The following APOOL variants were observed in gnomAD, a reference collection of about 807,000 sequenced individuals.
APOOL encodes the protein apolipoprotein O like.
A neutral mutation model predicts 23.1 loss-of-function variants in APOOL; 12 were observed. The observed-to-expected ratio is 0.52, with a 90% CI of 0.33 to 0.84. APOOL has a LOEUF of 0.84. APOOL is among the 40% of genes least tolerant of loss of function. APOOL has a pLI of 0.02. For missense variants in APOOL, 212 were observed against 199.6 expected, an observed-to-expected ratio of 1.06 and a Z score of -0.37; for synonymous variants, 77 against 69.9, an observed-to-expected ratio of 1.10 and a Z score of -0.51.
At chrX:85,079,854 C>T (rs924914913) in intron 8 of APOOL, among the ~76,000 whole-genome samples, 4 of 111,768 alleles carry the variant, frequency 3.6e-5, no homozygotes, top group African/African-American at 1.3e-4. Flanking sequence ...TCCATTTCTT[C>T]TAGATTTTCT....
intron 1 of APOOL, among the ~76,000 whole-genome samples, chrX:85,004,808 C>G (rs5967537): frequency 9.0e-6 from 1 of 110,973 alleles, no homozygotes; most frequent in Non-Finnish European, 1.9e-5. Context: ...TGCCTCCCCC[C>G]GCATTTAAAA....
chrX:85,055,060 G>C (rs1357246984), intron 4 of APOOL, among the ~76,000 whole-genome samples: 1 of 111,681 alleles, frequency 9.0e-6, no homozygotes, highest in African/African-American at 3.2e-5. Context: ...ATATGTATAG[G>C]AGATAGAAAG....
At chrX:85,067,675 A>T (rs1412783510) in intron 6 of APOOL, among the ~76,000 whole-genome samples, 1 of 100,674 alleles carries the variant, frequency 9.9e-6, no homozygotes, top group Admixed American at 1.0e-4. Context: ...CACGCACAGG[A>T]ACTCAATATG....
intron 1 of APOOL, among the ~76,000 whole-genome samples, chrX:85,041,365 G>T (rs749106128): frequency 8.9e-6 from 1 of 111,796 alleles, no homozygotes; most frequent in African/African-American, 3.2e-5. Flanking sequence ...TGGCAAAAAT[G>T]TCAGTCCTGT....
rs770984347 is a variant in APOOL at position 85,010,969 on chromosome X, TAA to T, written c.15+7045_15+7046del. ...CTAGCTTACATTCTCACCAGCAGTG[TAA>T]AAGTGTTCCCTTTTCACCACATCCA... On this transcript the variant is annotated intron_variant, in intron 1 of 8. Transcript: ENST00000373173. Among the ~76,000 whole-genome samples the T allele has an allele frequency of 5.5e-4, 62 of 112,326 alleles. 1 individual carries two copies. The East Asian group carries it at 0.013, about 24-fold the overall frequency.
At chrX:85,058,410 C>CT (rs1286510619) in intron 5 of APOOL, among the ~76,000 whole-genome samples, 2 of 111,529 alleles carry the variant, frequency 1.8e-5, no homozygotes, top group East Asian at 5.6e-4. Context: ...GATCTCATTC[C>CT]TTTTTATGGC....
chrX:85,058,762 G>A (rs977705499), intron 5 of APOOL, among the ~76,000 whole-genome samples: 43 of 111,312 alleles, frequency 3.9e-4, no homozygotes, highest in African/African-American at 1.3e-3. Flanking sequence ...AGTAATAGCC[G>A]TTCTGACTGG....
At position 85,093,149 on chromosome X, in the gene APOOL, A is replaced by G. The variant is rs2147677289; in HGVS notation, c.*5471A>G. 1 of 1,110,694 alleles carries G rather than the reference A, an allele frequency of 9.0e-7. No individual in the cohort carries two copies. The highest frequency in any genetic ancestry group is 1.2e-6 in the Non-Finnish European group (1 of 827,461). 91.5% of individuals were successfully genotyped at this position (1,110,694 alleles called of 1,213,427 possible). A position where few individuals can be genotyped will look rare whatever the true frequency, so the allele number is the denominator to read the frequency against. ...TGTGAATATTTATTAAGAAAAGGTTAATGTATAGAATATCAATACTAATTG... is the reference window on the plus strand; with the variant it reads ...TGTGAATATTTATTAAGAAAAGGTTGATGTATAGAATATCAATACTAATTG... On this transcript the variant is annotated 3_prime_UTR_variant, in exon 9 of 9. Coordinates refer to ENST00000373173, the MANE Select transcript of APOOL (RefSeq NM_198450.6).
intron 8 of APOOL, among the ~76,000 whole-genome samples, chrX:85,083,873 C>T (rs962953927): frequency 9.0e-6 from 1 of 111,507 alleles, no homozygotes; most frequent in African/African-American, 3.3e-5. Context: ...TAACTTTAAA[C>T]ATATTTCTTT....
At chrX:85,077,654 C>T in intron 8 of APOOL, among the ~76,000 whole-genome samples, 1 of 111,634 alleles carries the variant, frequency 9.0e-6, no homozygotes, top group Non-Finnish European at 1.9e-5. Context: ...AATGGTATTT[C>T]TAGCTCTAGA....
chrX:85,037,410 C>A (rs754239481), intron 1 of APOOL, among the ~76,000 whole-genome samples: 1 of 111,703 alleles, frequency 9.0e-6, no homozygotes, highest in Non-Finnish European at 1.9e-5. Flanking sequence ...TCATTCTTCT[C>A]TTGTCTGCTG....
rs1208411097 is a variant in APOOL at position 85,090,041 on chromosome X, G to T, written c.*2363G>T. The T allele has an allele frequency of 1.8e-5, 2 of 109,707 alleles. No homozygotes were observed. The highest frequency in any genetic ancestry group is 3.3e-5 in the African/African-American group (1 of 30,098). 9.0% of individuals were successfully genotyped at this position (109,707 alleles called of 1,213,427 possible). A position where few individuals can be genotyped will look rare whatever the true frequency, so the allele number is the denominator to read the frequency against. ...ATAGGGTTGGGACAGTGGCTCATTG[G>T]TGCTATCAAGGACGTAGACTTTTTC... On this transcript the variant is annotated 3_prime_UTR_variant, in exon 9 of 9. Transcript: ENST00000373173.
intron 6 of APOOL, among the ~76,000 whole-genome samples, chrX:85,071,164 A>G (rs917540688): frequency 9.0e-6 from 1 of 111,342 alleles, no homozygotes; most frequent in Non-Finnish European, 1.9e-5. Flanking sequence ...TCGATGAAAG[A>G]CTAAATGTTG....
chrX:85,074,324 G>A lies in APOOL; in HGVS notation c.651G>A (p.Leu217=). The change falls in exon 8 of 9, where the codon TTG becomes TTA. Residue 217 remains leucine (L), a synonymous_variant. Coordinates refer to ENST00000373173, the MANE Select transcript of APOOL (RefSeq NM_198450.6). ...IEVPAKTTHV[L]KHSVPLPTEL... Reference sequence around the variant, plus strand: ...TACCTGCAAAAACAACTCACGTCTTGAAACACTCAGTGCCCTTGCCAACAG... The same window carrying A: ...TACCTGCAAAAACAACTCACGTCTTAAAACACTCAGTGCCCTTGCCAACAG... The A allele has an allele frequency of 8.3e-7, 1 of 1,211,109 alleles. No homozygotes were observed.
Position 85,015,039 on chromosome X carries a change from T to G in APOOL, c.15+11112T>G, listed in dbSNP as rs139243270. Among the ~76,000 whole-genome samples, 362 of 111,003 alleles carry G rather than the reference T, an allele frequency of 3.3e-3. 2 individuals carry two copies. Among genetic ancestry groups the G allele is most frequent in the African/African-American group, 0.011 (347 of 30,614 alleles). ...TTTTTAGATTGCTTTTTCCTTGTCT[T>G]TTTCTGATTGGGTTAATTCGAAAGC... On this transcript the variant is annotated intron_variant, in intron 1 of 8. Transcript: ENST00000373173.
intron 5 of APOOL, among the ~76,000 whole-genome samples, chrX:85,063,272 G>T (rs1050444352): frequency 1.7e-4 from 19 of 111,513 alleles, no homozygotes; most frequent in Middle Eastern, 4.6e-3. Flanking sequence ...CTGAGTTGAG[G>T]GGGTTTTCTA....
At chrX:85,062,724 C>T (rs773038850) in intron 5 of APOOL, among the ~76,000 whole-genome samples, 34 of 111,082 alleles carry the variant, frequency 3.1e-4, no homozygotes, top group African/African-American at 1.1e-3. Flanking sequence ...GGTCTGTGTG[C>T]CCGTTTTTGT....
At chrX:85,006,766 A>G (rs2147468906) in intron 1 of APOOL, among the ~76,000 whole-genome samples, 1 of 111,624 alleles carries the variant, frequency 9.0e-6, no homozygotes, top group African/African-American at 3.3e-5. Context: ...TATGAGTAGG[A>G]ATTTATATTA....
At chrX:85,056,591 A>G (rs1166883494) in intron 5 of APOOL, among the ~76,000 whole-genome samples, 7 of 110,316 alleles carry the variant, frequency 6.3e-5, no homozygotes, top group African/African-American at 2.3e-4. Context: ...TAAAAATACA[A>G]AATTAGCCGG....
Sources: allele counts gnomAD v4.1 joint callset (sites outside exome capture counted in the v4.1 genomes callset), GRCh38; gene constraint gnomAD v4.1.1; transcripts MANE v1.5; gene names NCBI Gene and HGNC (gene_info 2026-07-23, HGNC 2026-07-21).